Variants in RHCE observed in about 807,000 individuals in gnomAD.
RHCE encodes blood group Rh(CE) polypeptide.
A neutral mutation model predicts 43.8 loss-of-function variants in RHCE; 22 were observed. That is an observed-to-expected ratio of 0.50 (90% CI 0.36 to 0.72). The LOEUF is 0.72. Among genes scored for constraint, RHCE ranks in the 30% least tolerant of loss-of-function variants. The pLI, the probability that RHCE is intolerant of heterozygous loss-of-function variation, is 0.00. For synonymous variants in RHCE, 156 were observed against 210.7 expected (o/e 0.74, Z 2.25); for missense variants, 385 against 525.4 (o/e 0.73, Z 2.61).
chr1:25,373,291 T>A (rs1645670297), intron 8 of RHCE, among the ~76,000 whole-genome samples: 1 of 151,634 alleles, frequency 6.6e-6, no homozygotes, highest in African/African-American at 2.4e-5. Context: ...ATACCAGTGA[T>A]AACAGTGAAT....
intron 8 of RHCE, among the ~76,000 whole-genome samples, chr1:25,374,120 C>T (rs1029728855): frequency 2.0e-5 from 3 of 151,096 alleles, no homozygotes; most frequent in African/African-American, 7.4e-5. Context: ...TGTGCCTGGC[C>T]TGAATGTGTA....
intron 2 of RHCE, among the ~76,000 whole-genome samples, chr1:25,427,419 C>T (rs959028769): frequency 2.0e-5 from 3 of 152,356 alleles, no homozygotes; most frequent in Non-Finnish European, 4.4e-5. Flanking sequence ...ATGGCCACTG[C>T]TGATCTCTGC....
At chr1:25,371,095 T>A (rs1645598718) in intron 8 of RHCE, among the ~76,000 whole-genome samples, 1 of 148,938 alleles carries the variant, frequency 6.7e-6, no homozygotes, top group Non-Finnish European at 1.5e-5. Context: ...AAAAAAGAAC[T>A]GGGAATGGCA....
In RHCE at chr1:25,374,249, T is replaced by C. The variant is rs1645716505; in HGVS notation, c.1153+1100A>G. On this transcript the variant is annotated intron_variant, in intron 8 of 9. Transcript: ENST00000294413. ...GATTACAGGTGCCCACCACCACGCC[T>C]GGCTAATTTTTTAATTTTTAGTAGA... Among the ~76,000 whole-genome samples, 4 of 151,794 alleles carry C rather than the reference T, an allele frequency of 2.6e-5. No homozygotes were observed. In the South Asian group the frequency reaches 8.3e-4, roughly 32 times the overall value.
intron 7 of RHCE, among the ~76,000 whole-genome samples, chr1:25,383,491 C>A (rs1646060819): frequency 6.6e-6 from 1 of 152,176 alleles, no homozygotes; most frequent in Non-Finnish European, 1.5e-5. Context: ...GCTAAATCTG[C>A]ACAGCAACCC....
At chr1:25,415,630 A>G (rs1023083848) in intron 1 of RHCE, among the ~76,000 whole-genome samples, 6 of 152,242 alleles carry the variant, frequency 3.9e-5, no homozygotes, top group Admixed American at 2.6e-4. Flanking sequence ...CCCCTGGGCA[A>G]TAAGAGCAAA....
At chr1:25,381,509 T>G (rs985685681) in intron 7 of RHCE, among the ~76,000 whole-genome samples, 1 of 149,694 alleles carries the variant, frequency 6.7e-6, no homozygotes, top group African/African-American at 2.5e-5. Flanking sequence ...CAAGCTGGAG[T>G]GCAATAGCAC....
intron 3 of RHCE, among the ~76,000 whole-genome samples, chr1:25,396,529 A>C (rs1386273371): frequency 6.6e-6 from 1 of 152,262 alleles, no homozygotes. Context: ...ATTGACTCAC[A>C]GTTTGGCATG....
chr1:25,430,191 A>G (rs2042842543), exon 1 of RHCE: 1 of 151,932 alleles, frequency 6.6e-6, no homozygotes, highest in East Asian at 1.9e-4. Flanking sequence ...CGCCCCGGGC[A>G]TCTCTGCGCT....
At chr1:25,371,896 T>C (rs1645621702) in intron 8 of RHCE, among the ~76,000 whole-genome samples, 1 of 151,194 alleles carries the variant, frequency 6.6e-6, no homozygotes, top group African/African-American at 2.5e-5. Context: ...TTCCCTTTCG[T>C]GGTGCTGCTT....
At chr1:25,417,446 A>G (rs1647640503) in intron 1 of RHCE, among the ~76,000 whole-genome samples, 1 of 152,216 alleles carries the variant, frequency 6.6e-6, no homozygotes, top group Non-Finnish European at 1.5e-5. Context: ...CAAGTGAACA[A>G]AAAGGAAAGG....
rs1226532714 is a variant in RHCE, at chr1:25,405,251, A to G, written c.336-2505T>C. The stretch of plus-strand genomic sequence containing the variant: ...TGTGCACCCATAGTCCCAGCTACTT[A>G]GGAGGCTGAGGCAGGAGGATCACCT... On this transcript the variant is annotated intron_variant, in intron 2 of 9. Transcript: ENST00000294413. Among the ~76,000 whole-genome samples the G allele has an allele frequency of 3.3e-5, 5 of 152,252 alleles. No individual in the cohort carries two copies. In the East Asian group the frequency reaches 5.8e-4, roughly 18 times the overall value.
At chr1:25,422,379 T>C (rs1219799307), upstream of RHCE, among the ~76,000 whole-genome samples, 1 of 152,172 alleles carries the variant, frequency 6.6e-6, no homozygotes, top group Non-Finnish European at 1.5e-5. Flanking sequence ...TACAATATAT[T>C]CCCACTCTTA....
chr1:25,408,572 C>T, intron 2 of RHCE, 111 bp downstream of exon 2: 1 of 809,450 alleles, frequency 1.2e-6, no homozygotes, highest in Non-Finnish European at 1.8e-6. Flanking sequence ...AAATATTGCA[C>T]AGCACTGGTG....
intron 1 of RHCE, among the ~76,000 whole-genome samples, chr1:25,417,498 G>A (rs887330283): frequency 1.3e-5 from 2 of 152,094 alleles, no homozygotes; most frequent in Non-Finnish European, 2.9e-5. Flanking sequence ...AGTCACATTC[G>A]AGATTTAAAA....
chr1:25,382,870 A>T lies in RHCE; in HGVS notation c.1073+2841T>A, dbSNP rs568812224. Among the ~76,000 whole-genome samples, 102 of 152,204 alleles carry T rather than the reference A, an allele frequency of 6.7e-4. 1 individual carries two copies. In the South Asian group the frequency reaches 0.016, roughly 24 times the overall value. On this transcript the variant is annotated intron_variant, in intron 7 of 9. Transcript: ENST00000294413. ...TGGCATTCCAGAGATGCTATTAAAA[A>T]TTTTTTTTCTCCAAATAGACTTATT...
chr1:25,391,747 T>C (rs1401689022), intron 4 of RHCE, among the ~76,000 whole-genome samples: 15 of 152,188 alleles, frequency 9.9e-5, no homozygotes. Context: ...TGGATAAACT[T>C]ATTGAAACTC....
chr1:25,370,366 T>G (rs1337559289), intron 9 of RHCE, 101 bp downstream of exon 9: 27 of 996,672 alleles, frequency 2.7e-5, no homozygotes, highest in Non-Finnish European at 4.3e-5. Flanking sequence ...TCCATTTTTG[T>G]TTTTGTTTTA....
At position 25,402,600 on chromosome 1, in the gene RHCE, A is replaced by C. The variant is rs764871427; in HGVS notation, c.482T>G (p.Phe161Cys). 1.6e-5 allele frequency: 26 copies of C among 1,614,022 alleles called. No individual in the cohort carries two copies. In the South Asian group the frequency reaches 2.5e-4, roughly 16 times the overall value. Reference protein sequence around the residue: ...GTLRMVISNIFNTDYHMNLRH... With the variant: ...GTLRMVISNICNTDYHMNLRH... ...CCTCCCAGCACCATGACTCACGTTG[A>C]AGATATTACTGATGACCATCCTCAG... Residue 161 changes from phenylalanine (F) to cysteine (C), a missense_variant, in exon 3 of 10, where the codon TTC (phenylalanine) becomes TGC (cysteine). Transcript: ENST00000294413.
Sources: allele counts gnomAD v4.1 joint callset (sites outside exome capture counted in the v4.1 genomes callset), GRCh38; gene constraint gnomAD v4.1.1; transcripts MANE v1.5; gene names NCBI Gene and HGNC (gene_info 2026-07-23, HGNC 2026-07-21).